SHISA6: variants seen among roughly 807,000 people sequenced by gnomAD.
The protein encoded by SHISA6 is protein shisa-6.
Under a neutral mutation model 47.9 loss-of-function variants are expected in SHISA6, and 22 were observed. The ratio of observed to expected loss-of-function variants is 0.46; its 90% CI spans 0.33 to 0.66. The LOEUF (loss-of-function observed/expected upper bound fraction) is 0.66, where lower values mean the gene tolerates loss of function less well. Among genes scored for constraint, SHISA6 ranks in the 30% least tolerant of loss-of-function variants. SHISA6 has a pLI of 0.02. For missense variants in SHISA6, 680 were observed against 764.6 expected (o/e 0.89, Z 1.30); for synonymous variants, 388 against 337.8 (o/e 1.15, Z -1.63).
chr17:11,494,395 T>G (rs544142869), intron 3 of SHISA6, among the ~76,000 whole-genome samples: 1 of 152,298 alleles, frequency 6.6e-6, no homozygotes, highest in East Asian at 1.9e-4. Flanking sequence ...TGTTTGTTAC[T>G]TATCACCTAG....
In SHISA6 at chr17:11,241,944, C is replaced by T. The variant is rs1293574538; in HGVS notation, c.522C>T (p.Thr174=). The T allele has an allele frequency of 1.9e-6, 3 of 1,550,870 alleles. No individual in the cohort carries two copies. The highest frequency in any genetic ancestry group is 2.6e-6 in the Non-Finnish European group (3 of 1,147,036). Residue 174 remains threonine, a synonymous_variant, in exon 1 of 6, where the codon ACC becomes ACT. Coordinates refer to ENST00000441885, the MANE Select transcript of SHISA6 (RefSeq NM_207386.4). The surrounding 1 kb of genome is among the most constrained non-coding windows in gnomAD (Gnocchi z 5.5). ...AGTACGACCCGGAGAAGGACAAGAC[C>T]AACTTCACCGTCTACATCACCTGCG... is the stretch of plus-strand genomic sequence containing the variant. The part of the protein sequence containing the change: ...ENKYDPEKDK[T]NFTVYITCGV...
chr17:11,289,698 G>C (rs1909452836), intron 2 of SHISA6: 1 of 151,692 alleles, frequency 6.6e-6, no homozygotes, highest in South Asian at 2.1e-4. Context: ...TACTTTCAAA[G>C]AAAATCATTC....
At chr17:11,288,335 A>G (rs1470844290) in intron 2 of SHISA6, 1 of 152,228 alleles carries the variant, frequency 6.6e-6, no homozygotes, top group African/African-American at 2.4e-5. Context: ...ACTATTGCAA[A>G]CAATGTTTCA....
chr17:11,342,772 C>T (rs1911581801), intron 2 of SHISA6, among the ~76,000 whole-genome samples: 1 of 152,204 alleles, frequency 6.6e-6, no homozygotes, highest in Non-Finnish European at 1.5e-5. Context: ...GCAAGGTCCT[C>T]ATACTAAGAA....
intron 2 of SHISA6, among the ~76,000 whole-genome samples, chr17:11,298,227 A>G (rs747581036): frequency 2.6e-5 from 4 of 152,212 alleles, no homozygotes; most frequent in East Asian, 1.9e-4. Flanking sequence ...TCCAGCATCT[A>G]TGTACTTTAC....
rs111672902 is a variant in SHISA6 at position 11,413,673 on chromosome 17, C to A, written c.895+34164C>A. 2.8e-3 allele frequency among the ~76,000 whole-genome samples: 421 copies of A among 152,214 alleles called. 1 individual carries two copies. The highest frequency in any genetic ancestry group is 9.8e-3 in the African/African-American group (405 of 41,528). On this transcript the variant is annotated intron_variant, in intron 3 of 5. Coordinates refer to ENST00000441885, the MANE Select transcript of SHISA6 (RefSeq NM_207386.4). Reference sequence around the variant, plus strand: ...CAGGACCACGTGCCTCTCATCACCCCACAGGCTCACTTGGGCTTGTTCTGG... The same window carrying A: ...CAGGACCACGTGCCTCTCATCACCCAACAGGCTCACTTGGGCTTGTTCTGG...
intron 2 of SHISA6, among the ~76,000 whole-genome samples, chr17:11,338,237 C>T (rs1449877945): frequency 1.3e-5 from 2 of 152,144 alleles, no homozygotes; most frequent in Non-Finnish European, 2.9e-5. Flanking sequence ...GTTGGGAGCA[C>T]TCTCCTCTCT....
chr17:11,431,988 A>G (rs550572078), intron 3 of SHISA6, among the ~76,000 whole-genome samples: 1 of 152,356 alleles, frequency 6.6e-6, no homozygotes, highest in South Asian at 2.1e-4. Flanking sequence ...CCTTGCCATT[A>G]GCAGAGTGCT....
At chr17:11,386,003 C>T (rs1211405038) in intron 3 of SHISA6, among the ~76,000 whole-genome samples, 4 of 152,002 alleles carry the variant, frequency 2.6e-5, no homozygotes, top group Non-Finnish European at 5.9e-5. Flanking sequence ...GGAACATCTA[C>T]TCAGTGGATG....
intron 3 of SHISA6, among the ~76,000 whole-genome samples, chr17:11,464,497 G>T (rs1240722801): frequency 1.3e-5 from 2 of 152,164 alleles, no homozygotes; most frequent in Admixed American, 6.5e-5. Context: ...CCTGGTGACA[G>T]CTTTCTTGTC....
intron 1 of SHISA6, among the ~76,000 whole-genome samples, chr17:11,257,337 C>T (rs1250544812): frequency 1.3e-5 from 2 of 152,276 alleles, no homozygotes; most frequent in African/African-American, 4.8e-5. Flanking sequence ...TTAAAGAGGA[C>T]ACCAACAGTT....
chr17:11,412,407 C>T (rs987193140), intron 3 of SHISA6, among the ~76,000 whole-genome samples: 1 of 152,016 alleles, frequency 6.6e-6, no homozygotes, highest in African/African-American at 2.4e-5. Flanking sequence ...GGCATAGGTC[C>T]CTCAAGGACC....
intron 3 of SHISA6, among the ~76,000 whole-genome samples, chr17:11,471,659 T>C (rs904662559): frequency 1.6e-4 from 25 of 152,162 alleles, no homozygotes; most frequent in African/African-American, 5.6e-4. Flanking sequence ...AATCAACTTA[T>C]TGATTGGGTG....
intron 2 of SHISA6, among the ~76,000 whole-genome samples, chr17:11,276,592 C>T (rs1263070409): frequency 6.6e-6 from 1 of 152,022 alleles, no homozygotes; most frequent in African/African-American, 2.4e-5. Flanking sequence ...TCATCATCAT[C>T]GTTGTCACCA....
At chr17:11,551,798 A>T in intron 3 of SHISA6, 98 bp from the exon 4 acceptor site, 1 of 1,081,580 alleles carries the variant, frequency 9.2e-7, no homozygotes, top group Admixed American at 2.1e-5. Context: ...CCTTTAAGTC[A>T]GAGAAGCACA....
intron 1 of SHISA6, among the ~76,000 whole-genome samples, chr17:11,251,132 C>G (rs932909127): frequency 6.6e-6 from 1 of 152,032 alleles, no homozygotes; most frequent in African/African-American, 2.4e-5. Flanking sequence ...TTGGGTCTCA[C>G]CTTCCTGAAT....
intron 3 of SHISA6, among the ~76,000 whole-genome samples, chr17:11,388,661 ATGT>A (rs960815155): frequency 1.3e-5 from 2 of 151,170 alleles, no homozygotes; most frequent in Admixed American, 6.6e-5. Flanking sequence ...GTGATTCCAT[ATGT>A]TGTTAGAATC....
At chr17:11,430,358 G>C (rs1001740809) in intron 3 of SHISA6, among the ~76,000 whole-genome samples, 1 of 152,080 alleles carries the variant, frequency 6.6e-6, no homozygotes, top group Non-Finnish European at 1.5e-5. Context: ...GTGTTTTACC[G>C]CAAGACCCTT....
chr17:11,471,271 G>A (rs574223533), intron 3 of SHISA6, among the ~76,000 whole-genome samples: 1 of 151,444 alleles, frequency 6.6e-6, no homozygotes, highest in South Asian at 2.1e-4. Context: ...AGAAGGCAGA[G>A]AAAGGCCATG....
Sources: allele counts gnomAD v4.1 joint callset (sites outside exome capture counted in the v4.1 genomes callset), GRCh38; gene constraint gnomAD v4.1.1; non-coding constraint Gnocchi (gnomAD v3.1); transcripts MANE v1.5; gene names NCBI Gene and HGNC (gene_info 2026-07-23, HGNC 2026-07-21).